ARHGEF38: variants seen among roughly 807,000 people sequenced by gnomAD.
The protein encoded by ARHGEF38 is Rho guanine nucleotide exchange factor 38.
A neutral mutation model predicts 79.9 loss-of-function variants in ARHGEF38; 79 were observed. That is an observed-to-expected ratio of 0.99 (90% confidence interval 0.82 to 1.19). The LOEUF is 1.19. Among genes scored for constraint, ARHGEF38 ranks in the 50% most tolerant of loss-of-function variants. The probability of loss-of-function intolerance (pLI) is 0.00; values close to 1 mark genes in which losing one functional copy is unlikely to be tolerated. For missense variants in ARHGEF38, 962 were observed against 907.2 expected (o/e 1.06, Z -0.78); for synonymous variants, 366 against 328.3 (o/e 1.11, Z -1.24).
chr4:105,604,714 G>C (rs916708917), intron 2 of ARHGEF38, among the ~76,000 whole-genome samples: 2 of 152,040 alleles, frequency 1.3e-5, no homozygotes, highest in African/African-American at 4.8e-5. Flanking sequence ...CTCTCAGTTT[G>C]AGTATGTACA....
chr4:105,633,240 C>A (rs1418509331), intron 4 of ARHGEF38, among the ~76,000 whole-genome samples: 2 of 152,146 alleles, frequency 1.3e-5, no homozygotes, highest in African/African-American at 4.8e-5. Flanking sequence ...GAAGTTAGAG[C>A]TATTTTCCCA....
chr4:105,630,010 T>G (rs1729114423), intron 3 of ARHGEF38, among the ~76,000 whole-genome samples: 1 of 152,198 alleles, frequency 6.6e-6, no homozygotes. Context: ...ACTTGAAATT[T>G]CACCTTCTGT....
At chr4:105,590,527 T>C (rs1727287263) in intron 2 of ARHGEF38, among the ~76,000 whole-genome samples, 2 of 152,214 alleles carry the variant, frequency 1.3e-5, no homozygotes, top group African/African-American at 2.4e-5. Context: ...AATAATATCT[T>C]GTAACATACT....
intron 3 of ARHGEF38, among the ~76,000 whole-genome samples, chr4:105,618,740 G>T (rs1728617450): frequency 6.6e-6 from 1 of 152,184 alleles, no homozygotes; most frequent in Admixed American, 6.5e-5. Flanking sequence ...AGTTAGAGGA[G>T]AAATATACTT....
chr4:105,555,308 CG>C (rs1188936411), intron 1 of ARHGEF38, among the ~76,000 whole-genome samples: 1 of 152,118 alleles, frequency 6.6e-6, no homozygotes, highest in East Asian at 1.9e-4. Context: ...ATCTTAAAAA[CG>C]TAACCCTTAA....
At chr4:105,662,669 G>A (rs7696836) in intron 10 of ARHGEF38, among the ~76,000 whole-genome samples, 45,726 of 152,000 alleles carry the variant, frequency 0.3, 11,617 homozygotes, top group African/African-American at 0.7. Flanking sequence ...TCTTGTTACT[G>A]CTTTCTCAAT....
intron 1 of ARHGEF38, among the ~76,000 whole-genome samples, chr4:105,555,559 C>T (rs969143397): frequency 6.6e-6 from 1 of 152,014 alleles, no homozygotes; most frequent in Non-Finnish European, 1.5e-5. Context: ...AACTGGTGGT[C>T]CCTGGGAGGC....
intron 1 of ARHGEF38, among the ~76,000 whole-genome samples, chr4:105,581,962 G>A (rs1299873891): frequency 2.0e-5 from 3 of 151,778 alleles, no homozygotes; most frequent in Non-Finnish European, 4.4e-5. Flanking sequence ...TCAGGAGCTC[G>A]AGACCAGCCT....
chr4:105,586,136 A>T lies in ARHGEF38; in HGVS notation c.197-3112A>T, dbSNP rs965314012. Among the ~76,000 whole-genome samples, 5 of 152,098 alleles carry T rather than the reference A, an allele frequency of 3.3e-5. No individual in the cohort carries two copies. In the East Asian group the frequency reaches 9.6e-4, roughly 29 times the overall value. ...GAGTTCCAAATACTTTTATATATAA[A>T]AGCTAAGTATAACTAAAAGATAAAA... On this transcript the variant is annotated intron_variant, in intron 1 of 13. Coordinates refer to ENST00000420470, the MANE Select transcript of ARHGEF38 (RefSeq NM_001242729.2).
chr4:105,623,084 A>T (rs1007132493), intron 3 of ARHGEF38, among the ~76,000 whole-genome samples: 5 of 152,208 alleles, frequency 3.3e-5, no homozygotes, highest in African/African-American at 1.2e-4. Flanking sequence ...CCATGGCAGG[A>T]AAATATCAAA....
At position 105,636,247 on chromosome 4, in the gene ARHGEF38, A is replaced by G. The variant is rs1222310926; in HGVS notation, c.657-156A>G. Reference sequence around the variant, plus strand: ...CTTTCATCTTCTTTATTTGTTAGGGACATGATTATAAAATAATGAGACTAC... The same window carrying G: ...CTTTCATCTTCTTTATTTGTTAGGGGCATGATTATAAAATAATGAGACTAC... On this transcript the variant is annotated intron_variant, in intron 4 of 13. Coordinates refer to ENST00000420470, the MANE Select transcript of ARHGEF38 (RefSeq NM_001242729.2). Among the ~76,000 whole-genome samples, 9 of 152,032 alleles carry G rather than the reference A, an allele frequency of 5.9e-5. No individual in the cohort carries two copies. In the East Asian group the frequency reaches 1.7e-3, roughly 29 times the overall value.
In ARHGEF38 at chr4:105,655,706, A is replaced by G. The variant is rs1730293819; in HGVS notation, c.1217A>G (p.Asn406Ser). The change falls in exon 9 of 14, where the codon AAT becomes AGT. Residue 406 changes from asparagine (N) to serine (S), a missense_variant. By Grantham distance (46) the Asn-to-Ser change is conservative (BLOSUM62 1). Coordinates refer to ENST00000420470, the MANE Select transcript of ARHGEF38 (RefSeq NM_001242729.2). ...TCTGAGACCCTAAGTAATGCCTTAA[A>G]TTCGTGTCATGACTTTGTAAGTTAT... ...DYSETLSNAL[N>S]SCHDFASHLQ... 1.3e-6 allele frequency: 2 copies of G among 1,535,136 alleles called. No homozygotes were observed. Among genetic ancestry groups the G allele is most frequent in the Non-Finnish European group, 1.7e-6 (2 of 1,146,374 alleles).
chr4:105,641,855 G>A (rs1439957753), intron 5 of ARHGEF38, among the ~76,000 whole-genome samples: 1 of 152,048 alleles, frequency 6.6e-6, no homozygotes, highest in Non-Finnish European at 1.5e-5. Flanking sequence ...AGCCAGCTGT[G>A]TTTACTTGAC....
intron 2 of ARHGEF38, among the ~76,000 whole-genome samples, chr4:105,594,693 T>C (rs1727499655): frequency 6.6e-6 from 1 of 152,222 alleles, no homozygotes; most frequent in Admixed American, 6.5e-5. Flanking sequence ...AATGAGTGAT[T>C]AGATCTAGCC....
rs1730288686 is a variant in ARHGEF38, at chr4:105,655,630, G to A, written c.1141G>A (p.Val381Met). The A allele has an allele frequency of 2.0e-6, 3 of 1,535,922 alleles. No individual in the cohort carries two copies. The highest frequency in any genetic ancestry group is 2.4e-5 in the South Asian group (2 of 84,038). Residue 381 changes from valine (V) to methionine (M), a missense_variant, in exon 9 of 14, where the codon GTG becomes ATG. Physicochemically the swap from Val to Met is conservative, Grantham distance 21 (BLOSUM62 1). Coordinates refer to ENST00000420470, the MANE Select transcript of ARHGEF38 (RefSeq NM_001242729.2). ...QDAMPLALQS[V>M]MDLQEISYNK... ...TGCCATGCCCCTGGCTCTGCAGAGT[G>A]TGATGGACCTTCAGGAGATTTCATA...
At chr4:105,604,555 T>C (rs777532490) in intron 2 of ARHGEF38, among the ~76,000 whole-genome samples, 1 of 152,168 alleles carries the variant, frequency 6.6e-6, no homozygotes, top group South Asian at 2.1e-4. Flanking sequence ...TATTGTATTA[T>C]TGAAGATTAG....
chr4:105,652,238 C>A lies in ARHGEF38; in HGVS notation c.1009-1827C>A, dbSNP rs573404029. ...TCTAAAATGGGAGTAATCATAATTC[C>A]ATTATATATGTGTAAGGATTACAAT... is the stretch of plus-strand genomic sequence containing the variant. On this transcript the variant is annotated intron_variant, in intron 7 of 13. Coordinates refer to ENST00000420470, the MANE Select transcript of ARHGEF38 (RefSeq NM_001242729.2). Among the ~76,000 whole-genome samples, 4 of 152,252 alleles carry A rather than the reference C, an allele frequency of 2.6e-5. No homozygotes were observed. In the East Asian group the frequency reaches 7.7e-4, roughly 29 times the overall value.
intron 7 of ARHGEF38, 99 bp from the exon 8 acceptor site, chr4:105,653,966 G>A: frequency 1.9e-6 from 1 of 530,508 alleles, no homozygotes; most frequent in Non-Finnish European, 3.1e-6. Flanking sequence ...TATCATCAAA[G>A]AATTTTCTTT....
chr4:105,579,767 C>T (rs1025425893), intron 1 of ARHGEF38, among the ~76,000 whole-genome samples: 2 of 152,028 alleles, frequency 1.3e-5, no homozygotes, highest in African/African-American at 4.8e-5. Context: ...GGGAGGAGTG[C>T]CTCCTCCTCA....
Sources: gnomAD v4.1 joint callset for allele counts (sites outside exome capture counted in the v4.1 genomes callset) on GRCh38, gnomAD v4.1.1 for gene constraint, MANE v1.5 for transcripts, NCBI Gene and HGNC (gene_info 2026-07-23, HGNC 2026-07-21) for gene names.